Variants in MYO1C observed in about 807,000 individuals in gnomAD.
The protein encoded by MYO1C is unconventional myosin-Ic.
Under a neutral mutation model 150.8 loss-of-function variants are expected in MYO1C, and 104 were observed. That is an observed-to-expected ratio of 0.69 (90% CI 0.59 to 0.81). MYO1C has a LOEUF of 0.81. Ranked by LOEUF, MYO1C falls within the 30% of genes least tolerant of loss-of-function variation. The pLI, the probability that MYO1C is intolerant of heterozygous loss-of-function variation, is 0.00. For missense variants in MYO1C, 1,504 were observed against 1,435.0 expected (o/e 1.05, Z -0.78); for synonymous variants, 663 against 579.9 (o/e 1.14, Z -2.06).
At chr17:1,470,542 C>G (rs2074279788) in intron 22 of MYO1C, 23 bp from the exon 23 acceptor site, 3 of 1,558,852 alleles carry the variant, frequency 1.9e-6, no homozygotes, top group Non-Finnish European at 2.6e-6. Context: ...CCACAGATGG[C>G]TGAACTCTAT....
rs1266075349 is a variant in MYO1C at position 1,483,073 on chromosome 17, T to C, written c.348-14A>G. 3.2e-6 allele frequency: 5 copies of C among 1,585,090 alleles called. No homozygotes were observed. In the Admixed American group the frequency reaches 8.8e-5, roughly 28 times the overall value. On this transcript the variant is annotated splice_polypyrimidine_tract_variant and intron_variant, in intron 3 of 31. Coordinates refer to ENST00000648651, the MANE Select transcript of MYO1C (RefSeq NM_001080779.2). Reference sequence around the variant, plus strand: ...GCCACGGCAAACCTGGGGCGGAGGCTCGTCAGGGAGTTTGGGGAGGGGGGC... The same window carrying C: ...GCCACGGCAAACCTGGGGCGGAGGCCCGTCAGGGAGTTTGGGGAGGGGGGC...
At position 1,480,508 on chromosome 17, in the gene MYO1C, G is replaced by A; in HGVS notation, c.906+19C>T. On this transcript the variant is annotated intron_variant, in intron 7 of 31. Transcript: ENST00000648651. ...GGGGTGTGACAGGAGGAAAGCGAGG[G>A]TCCCGGAAGAGGCCTCACCTCCACT... 6.3e-7 allele frequency: 1 copy of A among 1,597,450 alleles called. No individual in the cohort carries two copies. Among genetic ancestry groups the A allele is most frequent in the Non-Finnish European group, 8.6e-7 (1 of 1,164,854 alleles).
chr17:1,473,529 C>G (rs150934154), intron 17 of MYO1C, among the ~76,000 whole-genome samples: 2 of 152,280 alleles, frequency 1.3e-5, no homozygotes, highest in African/African-American at 4.8e-5. Context: ...ATGTCGCCTG[C>G]ATGCCCTCCC....
chr17:1,483,091 A>AG (rs765219404), intron 3 of MYO1C, 32 bp from the exon 4 acceptor site: 2 of 1,556,998 alleles, frequency 1.3e-6, no homozygotes, highest in African/African-American at 1.4e-5. Context: ...GAGTTTGGGG[A>AG]GGGGGGCCAA....
chr17:1,472,215 A>C lies in MYO1C; in HGVS notation c.1811T>G (p.Phe604Cys), dbSNP rs1195501880. ...CACCAGCTGCAGGAGGCTCATCTTG[A>C]ACTGGGTGGCGACCTGGCGAGCCAA... ...KKRPETVATQ[F>C]KMSLLQLVEI... is the part of the protein sequence containing the mutation. Residue 604 changes from phenylalanine (F) to cysteine (C), a missense_variant, in exon 18 of 32, where the codon TTC (phenylalanine) becomes TGC (cysteine). Coordinates refer to ENST00000648651, the MANE Select transcript of MYO1C (RefSeq NM_001080779.2). The C allele has an allele frequency of 6.2e-7, 1 of 1,614,046 alleles. No homozygotes were observed. The highest frequency in any genetic ancestry group is 1.3e-5 in the African/African-American group (1 of 75,032).
chr17:1,466,078 C>T (rs952246919), intron 31 of MYO1C, among the ~76,000 whole-genome samples: 4 of 151,012 alleles, frequency 2.6e-5, no homozygotes, highest in African/African-American at 9.7e-5. Context: ...CCCTGGCCAG[C>T]GTGAGCCTGT....
intron 29 of MYO1C, 101 bp from the exon 30 acceptor site, chr17:1,467,678 T>A: frequency 2.2e-6 from 1 of 447,296 alleles, no homozygotes; most frequent in Non-Finnish European, 3.2e-6. Flanking sequence ...TCCACCCCCA[T>A]CCACCCTCCC....
chr17:1,469,865 T>C (rs371007243), intron 24 of MYO1C, among the ~76,000 whole-genome samples: 4 of 152,126 alleles, frequency 2.6e-5, no homozygotes, highest in African/African-American at 9.6e-5. Flanking sequence ...TGAAACCCCG[T>C]CTCTACTAAA....
intron 3 of MYO1C, 76 bp downstream of exon 3, chr17:1,483,534 A>G: frequency 1.9e-6 from 2 of 1,045,288 alleles, no homozygotes; most frequent in Non-Finnish European, 2.9e-6. Context: ...ATCATTTCAG[A>G]GTAAGGTAAG....
chr17:1,474,770 G>A (rs781193407), intron 16 of MYO1C, 42 bp downstream of exon 16: 7 of 1,610,304 alleles, frequency 4.3e-6, no homozygotes, highest in Admixed American at 1.7e-5. Context: ...AGAGCTGTGG[G>A]CTATCCCCAC....
chr17:1,485,783 G>C, intron 1 of MYO1C: 2 of 948,884 alleles, frequency 2.1e-6, no homozygotes, highest in Non-Finnish European at 2.5e-6. Context: ...GGTGGCGGCG[G>C]CGTCAGCGAG....
At position 1,480,823 on chromosome 17, in the gene MYO1C, C is replaced by G. The variant is rs1372691442; in HGVS notation, c.690G>C (p.Gln230His). ...TGTGGAAGTTCCGCTCCCCATGATT[C>G]TGGTGCACCACTCGTGACTTTTCCA... ...YLLEKSRVVH[Q>H]NHGERNFHIF... Residue 230 changes from glutamine (Q) to histidine (H), a missense_variant, in exon 6 of 32, where the codon CAG (glutamine) becomes CAC (histidine). By Grantham distance (24) the Gln-to-His change is conservative (BLOSUM62 0). Transcript: ENST00000648651. 6.2e-7 allele frequency: 1 copy of G among 1,614,064 alleles called. No individual in the cohort carries two copies. Among genetic ancestry groups the G allele is most frequent in the Non-Finnish European group, 8.5e-7 (1 of 1,180,034 alleles).
intron 17 of MYO1C, 57 bp downstream of exon 17, chr17:1,474,553 G>A: frequency 6.4e-7 from 1 of 1,562,192 alleles, no homozygotes; most frequent in East Asian, 2.2e-5. Flanking sequence ...GCTCACACAG[G>A]CCCTCATGCA....
intron 1 of MYO1C, among the ~76,000 whole-genome samples, chr17:1,490,742 G>T (rs550731682): frequency 6.6e-6 from 1 of 151,832 alleles, no homozygotes; most frequent in South Asian, 2.1e-4. Flanking sequence ...ATGAACTCCC[G>T]AGACCCCCCT....
Position 1,472,091 on chromosome 17 carries a change from C to T in MYO1C, c.1903+32G>A, listed in dbSNP as rs200574982. The T allele has an allele frequency of 3.1e-6, 5 of 1,612,976 alleles. No individual in the cohort carries two copies. The South Asian group carries it at 3.3e-5, about 11-fold the overall frequency. ...CGGCCTGTCTCCTGCAGGGGAGGCCCGGCCCCGAAGTCCCCCGTGGGAGGG... is the reference window on the plus strand; with the variant it reads ...CGGCCTGTCTCCTGCAGGGGAGGCCTGGCCCCGAAGTCCCCCGTGGGAGGG... On this transcript the variant is annotated intron_variant, in intron 18 of 31. Transcript: ENST00000648651.
rs781355641 is a variant in MYO1C, at chr17:1,471,982, A to C, written c.1946T>G (p.Leu649Arg). 4.3e-6 allele frequency: 7 copies of C among 1,613,988 alleles called. No individual in the cohort carries two copies. The highest frequency in any genetic ancestry group is 5.9e-6 in the Non-Finnish European group (7 of 1,180,006). ...EVLIRHQVKY[L>R]GLLENLRVRR... ...CACGCGCAGGTTTTCCAACAGCCCC[A>C]GGTACTTCACCTGGTGGCGGATCAG... The change falls in exon 19 of 32, where the codon CTG (leucine) becomes CGG (arginine). Residue 649 changes from leucine (L) to arginine (R), a missense_variant. Leu to Arg is a moderately radical substitution (Grantham distance 102, BLOSUM62 -2). Coordinates refer to ENST00000648651, the MANE Select transcript of MYO1C (RefSeq NM_001080779.2).
At chr17:1,490,999 C>T (rs574646232) in intron 1 of MYO1C, 1 of 152,632 alleles carries the variant, frequency 6.6e-6, no homozygotes, top group Admixed American at 6.5e-5. Flanking sequence ...CGCAGCGCCT[C>T]CTTATCGCAC....
chr17:1,483,509 G>C (rs930136025), intron 3 of MYO1C, 101 bp downstream of exon 3: 1 of 841,876 alleles, frequency 1.2e-6, no homozygotes, highest in African/African-American at 1.7e-5. Context: ...CACAGATGTG[G>C]CGCGGGACGC....
chr17:1,489,590 G>A lies in MYO1C; in HGVS notation c.75+2823C>T, dbSNP rs542992785. On this transcript the variant is annotated intron_variant, in intron 1 of 31. Coordinates refer to ENST00000648651, the MANE Select transcript of MYO1C (RefSeq NM_001080779.2). ...AGCTACTTGGAAGGCTAAGGTGGGA[G>A]GATTGCTTGAGCCCAAGAGGTTGAG... Among the ~76,000 whole-genome samples, 4 of 152,304 alleles carry A rather than the reference G, an allele frequency of 2.6e-5. No individual in the cohort carries two copies. The East Asian group carries it at 5.8e-4, about 22-fold the overall frequency.
Sources: gnomAD v4.1 joint callset for allele counts (sites outside exome capture counted in the v4.1 genomes callset) on GRCh38, gnomAD v4.1.1 for gene constraint, MANE v1.5 for transcripts, NCBI Gene and HGNC (gene_info 2026-07-23, HGNC 2026-07-21) for gene names.